The following LRP6 variants were observed in gnomAD, a reference collection of about 807,000 sequenced individuals.
The protein encoded by LRP6 is low-density lipoprotein receptor-related protein 6.
Under a neutral mutation model 184.1 loss-of-function variants are expected in LRP6, and 43 were observed. The observed-to-expected ratio is 0.23, with a 90% confidence interval of 0.18 to 0.30. LRP6 has a LOEUF of 0.30. Ranked by LOEUF, LRP6 falls within the 10% of genes least tolerant of loss-of-function variation. The pLI is 1.00. For synonymous variants in LRP6, 719 were observed against 684.9 expected (o/e 1.05, Z -0.78); for missense variants, 1,571 against 2,005.3 (o/e 0.78, Z 4.14).
intron 1 of LRP6, among the ~76,000 whole-genome samples, chr12:12,245,860 T>C (rs1291419256): frequency 6.6e-6 from 1 of 152,140 alleles, no homozygotes; most frequent in African/African-American, 2.4e-5. Context: ...AGAGCACTAC[T>C]GTCCTACAGA....
intron 11 of LRP6, among the ~76,000 whole-genome samples, 164 bp from the exon 12 acceptor site, chr12:12,159,319 A>G (rs1193661206): frequency 3.3e-5 from 5 of 152,044 alleles, no homozygotes; most frequent in African/African-American, 9.7e-5. Flanking sequence ...TTCTAAAACG[A>G]GACCAATTCT....
intron 7 of LRP6, among the ~76,000 whole-genome samples, chr12:12,176,069 G>C (rs960454023): frequency 4.7e-5 from 7 of 150,348 alleles, no homozygotes; most frequent in Non-Finnish European, 5.9e-5. Flanking sequence ...AGGTTGTTCT[G>C]CCTACTGCAG....
intron 1 of LRP6, among the ~76,000 whole-genome samples, chr12:12,245,999 T>TC (rs1268880730): frequency 1.4e-5 from 2 of 138,642 alleles, no homozygotes; most frequent in Non-Finnish European, 3.2e-5. Flanking sequence ...ATATAAACTT[T>TC]TTTTTTTTTT....
chr12:12,183,803 C>T (rs1863401832), intron 5 of LRP6, among the ~76,000 whole-genome samples, 177 bp downstream of exon 5: 1 of 152,130 alleles, frequency 6.6e-6, no homozygotes, highest in South Asian at 2.1e-4. Context: ...TATAAAATAG[C>T]ATTCAAGTGA....
At position 12,181,259 on chromosome 12, in the gene LRP6, C is replaced by T. The variant is rs371768750; in HGVS notation, c.1157G>A (p.Arg386His). 34 of 1,613,990 alleles carry T rather than the reference C, an allele frequency of 2.1e-5. No homozygotes were observed. The highest frequency in any genetic ancestry group is 3.3e-4 in the Middle Eastern group (2 of 6,084). Residue 386 changes from arginine (R) to histidine (H), a missense_variant, in exon 6 of 23, where the codon CGT becomes CAT. Around this residue, in one of 4 missense-constraint regions of LRP6, gnomAD observed 640 missense variants for 851.9 expected, o/e 0.75. Transcript: ENST00000261349. Reference protein sequence around the residue: ...WTDDEVRAIRRSFIDGSGSQF... With the variant: ...WTDDEVRAIRHSFIDGSGSQF... ...ACTGCCAGATCCATCTATAAATGAACGGCGTATGGCCCTCACTTCATCATC... is the reference window on the plus strand; with the variant it reads ...ACTGCCAGATCCATCTATAAATGAATGGCGTATGGCCCTCACTTCATCATC...
Position 12,181,373 on chromosome 12 carries a change from T to G in LRP6, c.1043A>C (p.Asp348Ala). 6.3e-7 allele frequency: 1 copy of G among 1,593,896 alleles called. No homozygotes were observed. The highest frequency in any genetic ancestry group is 8.6e-7 in the Non-Finnish European group (1 of 1,161,638). Residue 348 changes from aspartate to alanine, a missense_variant, in exon 6 of 23, where the codon GAT becomes GCT. Asp to Ala is a moderately radical substitution (Grantham distance 126, BLOSUM62 -2). Transcript: ENST00000261349. ...DLRRISLDTP[D>A]FTDIVLQLED... ...TAACTGCAGAACAATGTCTGTAAAA[T>G]CTGGTGTATCCAAAGAAATGCGTCT...
At chr12:12,219,957 G>A (rs1211341688) in intron 2 of LRP6, among the ~76,000 whole-genome samples, 1 of 152,096 alleles carries the variant, frequency 6.6e-6, no homozygotes, top group African/African-American at 2.4e-5. Context: ...GAGGTTGAAG[G>A]CAACAGCAAC....
In LRP6 at chr12:12,165,313, A is replaced by G; in HGVS notation, c.1546-18T>C. On this transcript the variant is annotated intron_variant, in intron 7 of 22. Coordinates refer to ENST00000261349, the MANE Select transcript of LRP6 (RefSeq NM_002336.3). Reference sequence around the variant, plus strand: ...TTCATAACCTTCAGGTTTAAATTCAAAAGAGAAGGGGATGAATTATGCATT... The same window carrying G: ...TTCATAACCTTCAGGTTTAAATTCAGAAGAGAAGGGGATGAATTATGCATT... 1.3e-6 allele frequency: 2 copies of G among 1,521,384 alleles called. No homozygotes were observed. Among genetic ancestry groups the G allele is most frequent in the Non-Finnish European group, 1.8e-6 (2 of 1,096,924 alleles). The allele number at this position is 1,521,384 out of a possible 1,614,324, so 94.2% of individuals were successfully genotyped here. A position where few individuals can be genotyped will look rare whatever the true frequency, so the allele number is the denominator to read the frequency against.
intron 15 of LRP6, among the ~76,000 whole-genome samples, chr12:12,145,891 C>CA (rs1022726999): frequency 1.3e-5 from 2 of 152,022 alleles, no homozygotes; most frequent in Non-Finnish European, 2.9e-5. Context: ...TTCGGCCTCT[C>CA]AAAGTGCTGA....
intron 12 of LRP6, among the ~76,000 whole-genome samples, chr12:12,158,230 G>A (rs556640672): frequency 6.9e-4 from 105 of 152,254 alleles, no homozygotes; most frequent in African/African-American, 2.5e-3. Context: ...CTGTTTTACT[G>A]TTTGTAATGT....
At chr12:12,135,042 A>G (rs1457916671) in intron 17 of LRP6, 133 bp downstream of exon 17, 1 of 1,271,522 alleles carries the variant, frequency 7.9e-7, no homozygotes, top group Non-Finnish European at 1.1e-6. Flanking sequence ...AGTACAATAC[A>G]AATGAATGGA....
chr12:12,176,212 G>C (rs1277338981), intron 7 of LRP6, among the ~76,000 whole-genome samples: 1 of 152,198 alleles, frequency 6.6e-6, no homozygotes, highest in African/African-American at 2.4e-5. Context: ...AGGAGGGGGG[G>C]TGGTGGCAGA....
rs750597515 is a variant in LRP6, at chr12:12,244,604, G to A, written c.107C>T (p.Ala36Val). ...ANRRDLRLVD[A>V]TNGKENATIV... is the part of the protein sequence containing the mutation. ...CGTAGCATTCTCTTTGCCATTTGTA[G>A]CATCAACCAATCGCAAGTCCCGTCT... Residue 36 changes from alanine (A) to valine (V), a missense_variant, in exon 2 of 23, where the codon GCT (alanine) becomes GTT (valine). By Grantham distance (64) the Ala-to-Val change is moderately conservative. Around this residue, in one of 4 missense-constraint regions of LRP6, gnomAD observed 640 missense variants for 851.9 expected, o/e 0.75. Transcript: ENST00000261349. 1 of 1,614,128 alleles carries A rather than the reference G, an allele frequency of 6.2e-7. No homozygotes were observed. Among genetic ancestry groups the A allele is most frequent in the Non-Finnish European group, 8.5e-7 (1 of 1,180,034 alleles).
intron 7 of LRP6, among the ~76,000 whole-genome samples, chr12:12,166,574 C>T (rs1211109926): frequency 6.6e-6 from 1 of 152,138 alleles, no homozygotes; most frequent in Non-Finnish European, 1.5e-5. Flanking sequence ...ATAAATTACG[C>T]TAATTTTGCT....
chr12:12,245,556 A>G (rs1865162963), intron 1 of LRP6, among the ~76,000 whole-genome samples: 1 of 152,214 alleles, frequency 6.6e-6, no homozygotes. Context: ...TTTACACTTA[A>G]CATAAGCAAA....
intron 22 of LRP6, among the ~76,000 whole-genome samples, chr12:12,124,262 A>C (rs1432450616): frequency 6.6e-6 from 1 of 152,186 alleles, no homozygotes; most frequent in Non-Finnish European, 1.5e-5. Context: ...AATCCCAGCT[A>C]TTTGAGAGGC....
At chr12:12,155,540 C>CAGCACGTTA in intron 12 of LRP6, 1 of 751,450 alleles carries the variant, frequency 1.3e-6, no homozygotes, top group Non-Finnish European at 2.4e-6. Context: ...TATGCATATT[C>CAGCACGTTA]AGCACGTTAA....
chr12:12,133,737 C>T (rs1241863107), intron 17 of LRP6, among the ~76,000 whole-genome samples: 1 of 149,738 alleles, frequency 6.7e-6, no homozygotes, highest in Non-Finnish European at 1.5e-5. Flanking sequence ...AAGATGAGAT[C>T]CTTGACTCAG....
rs34143723 is a variant in LRP6, at chr12:12,150,965, G to A, written c.2865C>T (p.Pro955=). The A allele has an allele frequency of 0.012, 20,171 of 1,614,094 alleles. 164 individuals carry two copies. The highest frequency in any genetic ancestry group is 0.016 in the Middle Eastern group (99 of 6,056). Residue 955 remains proline, a synonymous_variant, in exon 13 of 23, where the codon CCC becomes CCT. Coordinates refer to ENST00000261349, the MANE Select transcript of LRP6 (RefSeq NM_002336.3). ...GGCTGTGGATGGGAAGGATGATGTC[G>A]GGGCTCTGTTGTTCATCAATCACCA... ...NRMVIDEQQS[P]DIILPIHSLR... is the part of the protein sequence containing the mutation.
Sources: gnomAD v4.1 joint callset for allele counts (sites outside exome capture counted in the v4.1 genomes callset) on GRCh38, gnomAD v4.1.1 for gene constraint, gnomAD v4.1.1 regional missense constraint, MANE v1.5 for transcripts, NCBI Gene and HGNC (gene_info 2026-07-23, HGNC 2026-07-21) for gene names.